The following SPDYC variants were observed in gnomAD, a reference collection of about 807,000 sequenced individuals.
SPDYC encodes the protein speedy/RINGO cell cycle regulator family member C.
SPDYC carries 25 observed loss-of-function variants against 33.9 expected under a neutral mutation model. That is an observed-to-expected ratio of 0.74 (90% CI 0.54 to 1.03). The LOEUF is 1.03. Among genes scored for constraint, SPDYC ranks in the 50% least tolerant of loss-of-function variants. The pLI, the probability that SPDYC is intolerant of heterozygous loss-of-function variation, is 0.00. For missense variants in SPDYC, 349 were observed against 382.9 expected (o/e 0.91, Z 0.74); for synonymous variants, 133 against 140.2 (o/e 0.95, Z 0.36).
chr11:65,171,040 A>C (rs995777510), intron 1 of SPDYC, among the ~76,000 whole-genome samples: 2 of 152,052 alleles, frequency 1.3e-5, no homozygotes, highest in Non-Finnish European at 2.9e-5. Context: ...TAAGGCCCTT[A>C]AGCACAGCCC....
intron 1 of SPDYC, 83 bp downstream of exon 1, chr11:65,170,344 G>T (rs1948418121): frequency 1.5e-6 from 2 of 1,375,952 alleles, no homozygotes; most frequent in South Asian, 1.6e-5. Context: ...GTGGTCGACC[G>T]CACGTTCTCC....
chr11:65,172,432 A>G lies in SPDYC; in HGVS notation c.345-2A>G. On this transcript the variant is annotated splice_acceptor_variant, in intron 4 of 6. Coordinates refer to ENST00000377185, the Ensembl canonical transcript of SPDYC. LOFTEE classifies it high-confidence loss of function. ...TCCCTGACCTTGTGCCTCTGTGGCT[A>G]GGTACCTTGCAAACGACATGGAGGA... is the stretch of plus-strand genomic sequence containing the variant. The G allele has an allele frequency of 6.2e-7, 1 of 1,605,998 alleles. No homozygotes were observed. Among genetic ancestry groups the G allele is most frequent in the Non-Finnish European group, 8.5e-7 (1 of 1,173,756 alleles).
In SPDYC at chr11:65,173,156, C is replaced by G. The variant is rs1948459855; in HGVS notation, c.848-27C>G. ...CGTGTGAGCTTGGCAGGTTTCTTCTCTGAGCCTCACTCTTTCCTCTCCCCA... is the reference window on the plus strand; with the variant it reads ...CGTGTGAGCTTGGCAGGTTTCTTCTGTGAGCCTCACTCTTTCCTCTCCCCA... On this transcript the variant is annotated intron_variant, in intron 6 of 6. Transcript: ENST00000377185. 4 of 1,613,396 alleles carry G rather than the reference C, an allele frequency of 2.5e-6. No individual in the cohort carries two copies. In the East Asian group the frequency reaches 8.9e-5, roughly 36 times the overall value.
At chr11:65,172,206 C>A (rs1309904092) in intron 3 of SPDYC, 40 bp from the exon 4 acceptor site, 2 of 1,611,252 alleles carry the variant, frequency 1.2e-6, no homozygotes, top group Non-Finnish European at 1.7e-6. Context: ...CCCTCCTCCT[C>A]AGAGAATAAC....
At chr11:65,172,836 G>C in exon 6 of SPDYC, 1 of 1,614,174 alleles carries the variant, frequency 6.2e-7, no homozygotes, top group Non-Finnish European at 8.5e-7. Flanking sequence ...GTTTGCCCCA[G>C]CACTGCAGCA....
At chr11:65,173,041 G>A in intron 6 of SPDYC, 27 bp downstream of exon 6, 4 of 1,607,274 alleles carry the variant, frequency 2.5e-6, no homozygotes, top group Non-Finnish European at 3.4e-6. Flanking sequence ...ACAGGAGCTG[G>A]GGGCTGGTGT....
intron 1 of SPDYC, 121 bp downstream of exon 1, chr11:65,170,382 C>T: frequency 1.0e-6 from 1 of 1,001,570 alleles, no homozygotes; most frequent in Non-Finnish European, 1.4e-6. Flanking sequence ...TTCTCTCTCT[C>T]AGGGATGAGG....
chr11:65,173,277 G>A (rs1431072496), downstream of SPDYC: 8 of 1,584,016 alleles, frequency 5.1e-6, no homozygotes, highest in East Asian at 1.6e-4. Flanking sequence ...ACCATTGGCT[G>A]TGCTCCCACC....
intron 1 of SPDYC, 95 bp from the exon 2 acceptor site, chr11:65,171,232 C>A: frequency 7.3e-7 from 1 of 1,376,756 alleles, no homozygotes; most frequent in South Asian, 1.4e-5. Context: ...AGTCTCTGCA[C>A]CCACCCCTCC....
intron 6 of SPDYC, 84 bp from the exon 7 acceptor site, chr11:65,173,099 C>T (rs1948458863): frequency 6.3e-7 from 1 of 1,597,208 alleles, no homozygotes; most frequent in Admixed American, 1.7e-5. Context: ...AGAGAGAGGG[C>T]CATGGGCCTG....
intron 1 of SPDYC, among the ~76,000 whole-genome samples, 170 bp downstream of exon 1, chr11:65,170,431 C>G (rs1948419148): frequency 6.6e-6 from 1 of 152,066 alleles, no homozygotes; most frequent in South Asian, 2.1e-4. Flanking sequence ...TTGAAGTGGC[C>G]CCATCAACTT....
chr11:65,171,411 G>A, exon 2 of SPDYC: 1 of 1,608,886 alleles, frequency 6.2e-7, no homozygotes, highest in Non-Finnish European at 8.5e-7. Context: ...CCCAGGTAGA[G>A]CTGGGGGGCT....
chr11:65,170,895 C>CAAAAACCA (rs368068976), intron 1 of SPDYC, among the ~76,000 whole-genome samples: 3,013 of 152,126 alleles, frequency 0.02, 92 homozygotes, highest in African/African-American at 0.067. Context: ...AACAAACAAA[C>CAAAAACCA]AAAAACCAAA....
Position 65,172,275 on chromosome 11 carries a change from C to A in SPDYC, c.288C>A (p.Phe96Leu), listed in dbSNP as rs144985521. 4 of 1,614,066 alleles carry A rather than the reference C, an allele frequency of 2.5e-6. No individual in the cohort carries two copies. The African/African-American group carries it at 5.3e-5, about 22-fold the overall frequency. ...TCCTGGCCATGGTGCTGGTCTACTT[C>A]CAGCGCGCCCACCTGAAGCTCAGCG... Residue 96 changes from phenylalanine (F) to leucine (L), a missense_variant, in exon 4 of 7, where the codon TTC (phenylalanine) becomes TTA (leucine). Phe to Leu is a conservative substitution (Grantham distance 22). Coordinates refer to ENST00000377185, the Ensembl canonical transcript of SPDYC.
intron 1 of SPDYC, among the ~76,000 whole-genome samples, chr11:65,170,655 G>A (rs189311510): frequency 1.2e-4 from 18 of 150,906 alleles, no homozygotes; most frequent in African/African-American, 4.1e-4. Context: ...CCAGCACTTT[G>A]GGAGGTCAGG....
At position 65,172,338 on chromosome 11, in the gene SPDYC, G is replaced by A. The variant is rs1163443459; in HGVS notation, c.344+7G>A. 1 of 1,614,152 alleles carries A rather than the reference G, an allele frequency of 6.2e-7. No individual in the cohort carries two copies. The highest frequency in any genetic ancestry group is 8.5e-7 in the Non-Finnish European group (1 of 1,180,020). ...GCAGCCTGTTCTTGGCCCTGTGAGTGGTGGGGGCAGGCAGTGGAGGCATTT... is the reference window on the plus strand; with the variant it reads ...GCAGCCTGTTCTTGGCCCTGTGAGTAGTGGGGGCAGGCAGTGGAGGCATTT... On this transcript the variant is annotated splice_region_variant and intron_variant, in intron 4 of 6. Coordinates refer to ENST00000377185, the Ensembl canonical transcript of SPDYC.
chr11:65,170,605 C>CTT (rs138182020), intron 1 of SPDYC, among the ~76,000 whole-genome samples: 10 of 148,190 alleles, frequency 6.7e-5, no homozygotes, highest in East Asian at 2.0e-4. Context: ...TTTTTTTTTT[C>CTT]TTTTTTTTTG....
chr11:65,173,343 A>G, downstream of SPDYC: 1 of 1,165,324 alleles, frequency 8.6e-7, no homozygotes, highest in South Asian at 1.5e-5. Flanking sequence ...AGTCCCCTCT[A>G]ATAAATTCAT....
rs769848555 is a variant in SPDYC at position 65,172,631 on chromosome 11, G to A, written c.516+26G>A. 5 of 1,556,806 alleles carry A rather than the reference G, an allele frequency of 3.2e-6. No individual in the cohort carries two copies. The Admixed American group carries it at 5.7e-5, about 18-fold the overall frequency. On this transcript the variant is annotated intron_variant, in intron 5 of 6. Coordinates refer to ENST00000377185, the Ensembl canonical transcript of SPDYC. The stretch of plus-strand genomic sequence containing the variant: ...GTGAGGCTGGGAGGCAACCTGGGGT[G>A]TGGGGAAGGCTGGGGTTCCCACCCC...
Sources: gnomAD v4.1 joint callset for allele counts (sites outside exome capture counted in the v4.1 genomes callset) on GRCh38, gnomAD v4.1.1 for gene constraint, MANE v1.5 for transcripts, NCBI Gene and HGNC (gene_info 2026-07-23, HGNC 2026-07-21) for gene names.